IL1RAPL2: variants seen among roughly 807,000 people sequenced by gnomAD.
IL1RAPL2 encodes interleukin 1 receptor accessory protein like 2.
IL1RAPL2 carries 3 observed loss-of-function variants against 44.1 expected under a neutral mutation model. That is an observed-to-expected ratio of 0.07 (90% confidence interval 0.03 to 0.18). The LOEUF (loss-of-function observed/expected upper bound fraction) is 0.18, where lower values mean the gene tolerates loss of function less well. Ranked by LOEUF, IL1RAPL2 falls within the 10% of genes least tolerant of loss-of-function variation. The pLI, the probability that IL1RAPL2 is intolerant of heterozygous loss-of-function variation, is 1.00. For synonymous variants in IL1RAPL2, 181 were observed against 178.8 expected, an observed-to-expected ratio of 1.01 and a Z score of -0.10; for missense variants, 391 against 496.4, an observed-to-expected ratio of 0.79 and a Z score of 2.02.
chrX:104,810,432 AAAG>A (rs1464905189), intron 2 of IL1RAPL2, among the ~76,000 whole-genome samples: 10 of 111,395 alleles, frequency 9.0e-5, no homozygotes, highest in African/African-American at 3.3e-4. Context: ...AAAGAAAAGA[AAAG>A]AAATGTGAGC....
At chrX:105,764,738 C>T (rs2038715848) in intron 10 of IL1RAPL2, among the ~76,000 whole-genome samples, 1 of 110,549 alleles carries the variant, frequency 9.0e-6, no homozygotes. Flanking sequence ...ATCAAGAGGT[C>T]GAGGTTGCAG....
At chrX:105,495,986 T>C (rs1171856076) in intron 6 of IL1RAPL2, among the ~76,000 whole-genome samples, 1 of 111,676 alleles carries the variant, frequency 9.0e-6, no homozygotes, top group African/African-American at 3.3e-5. Context: ...AACACAGACC[T>C]TAAGTCTGAT....
At chrX:104,847,008 T>C (rs1424493937) in intron 2 of IL1RAPL2, among the ~76,000 whole-genome samples, 1 of 112,412 alleles carries the variant, frequency 8.9e-6, no homozygotes, top group African/African-American at 3.2e-5. Context: ...TTGAGAAGTG[T>C]CTGTTCATAT....
At chrX:105,016,794 G>A (rs775695090) in intron 2 of IL1RAPL2, among the ~76,000 whole-genome samples, 28 of 111,148 alleles carry the variant, frequency 2.5e-4, no homozygotes, top group Admixed American at 5.8e-4. Context: ...TTGTCTCTCT[G>A]CCAGGTTTTG....
intron 5 of IL1RAPL2, among the ~76,000 whole-genome samples, chrX:105,323,339 G>T (rs2034910345): frequency 8.9e-6 from 1 of 111,733 alleles, no homozygotes; most frequent in African/African-American, 3.3e-5. Flanking sequence ...TCACATTTGT[G>T]TAACTGTGCC....
chrX:105,189,306 G>A (rs935820707), intron 2 of IL1RAPL2, among the ~76,000 whole-genome samples: 2 of 112,326 alleles, frequency 1.8e-5, no homozygotes, highest in African/African-American at 3.2e-5. Flanking sequence ...GCAGTGGTGC[G>A]ATCTCTGCTC....
chrX:104,940,558 G>T (rs1925138522), intron 2 of IL1RAPL2, among the ~76,000 whole-genome samples: 1 of 110,950 alleles, frequency 9.0e-6, no homozygotes, highest in African/African-American at 3.3e-5. Context: ...AGGAAATGCA[G>T]ACTAATTTCT....
intron 2 of IL1RAPL2, among the ~76,000 whole-genome samples, chrX:104,828,355 T>C (rs768914499): frequency 8.9e-6 from 1 of 112,050 alleles, no homozygotes; most frequent in South Asian, 3.7e-4. Flanking sequence ...TTGCTTTCTG[T>C]TTATTAGTTT....
intron 3 of IL1RAPL2, among the ~76,000 whole-genome samples, chrX:105,221,947 G>A (rs1603019288): frequency 9.0e-6 from 1 of 111,555 alleles, no homozygotes; most frequent in African/African-American, 3.3e-5. Context: ...TGCCCACTTA[G>A]GGAATGTCCA....
chrX:105,427,871 G>A (rs2035821675), intron 5 of IL1RAPL2, among the ~76,000 whole-genome samples: 1 of 111,676 alleles, frequency 9.0e-6, no homozygotes, highest in Non-Finnish European at 1.9e-5. Flanking sequence ...CTATTGAAAG[G>A]ATCTAAAATA....
At chrX:104,975,333 A>G (rs904492772) in intron 2 of IL1RAPL2, among the ~76,000 whole-genome samples, 3 of 111,918 alleles carry the variant, frequency 2.7e-5, no homozygotes, top group Non-Finnish European at 1.9e-5. Flanking sequence ...TTTTGTTATA[A>G]TTGACTGGCT....
chrX:104,835,955 G>A (rs1476135578), intron 2 of IL1RAPL2, among the ~76,000 whole-genome samples: 2 of 111,956 alleles, frequency 1.8e-5, no homozygotes, highest in Non-Finnish European at 3.8e-5. Flanking sequence ...TGTTTATCAA[G>A]ATGTGACATT....
chrX:105,200,171 T>G (rs1179505064), intron 3 of IL1RAPL2, among the ~76,000 whole-genome samples: 1 of 112,377 alleles, frequency 8.9e-6, no homozygotes, highest in African/African-American at 3.2e-5. Flanking sequence ...CTATGTTTTA[T>G]TGATCTCATT....
chrX:104,870,716 G>A (rs933867184), intron 2 of IL1RAPL2, among the ~76,000 whole-genome samples: 13 of 111,629 alleles, frequency 1.2e-4, no homozygotes, highest in Admixed American at 1.0e-3. Context: ...TTCTATCTCC[G>A]TGATTTTTCT....
chrX:104,955,022 A>G (rs768368369), intron 2 of IL1RAPL2, among the ~76,000 whole-genome samples: 1 of 112,539 alleles, frequency 8.9e-6, no homozygotes, highest in South Asian at 3.7e-4. Context: ...TTATATGCAA[A>G]TTAGAGGGCA....
At chrX:104,585,330 T>TATATTATATA (rs1928519576) in intron 1 of IL1RAPL2, among the ~76,000 whole-genome samples, 1 of 11,126 alleles carries the variant, frequency 9.0e-5, no homozygotes, top group Non-Finnish European at 1.2e-4. Flanking sequence ...TTATATATAA[T>TATATTATATA]ATATATTATA....
chrX:105,023,861 G>T (rs2031321673), intron 2 of IL1RAPL2, among the ~76,000 whole-genome samples: 1 of 111,230 alleles, frequency 9.0e-6, no homozygotes, highest in Non-Finnish European at 1.9e-5. Context: ...GGTGGTTTTT[G>T]TAAGTACTTG....
chrX:105,486,101 T>C (rs1330540496), intron 6 of IL1RAPL2, among the ~76,000 whole-genome samples: 2 of 111,746 alleles, frequency 1.8e-5, no homozygotes. Context: ...TTCCCTTTGC[T>C]CCATATCCTC....
intron 5 of IL1RAPL2, chrX:105,406,294 C>T: frequency 9.6e-7 from 1 of 1,038,461 alleles, no homozygotes; most frequent in Non-Finnish European, 1.4e-6. Context: ...TCTTAATTGA[C>T]CGAAGTCCTG....
Sources: gnomAD v4.1 joint callset for allele counts (sites outside exome capture counted in the v4.1 genomes callset) on GRCh38, gnomAD v4.1.1 for gene constraint, MANE v1.5 for transcripts, NCBI Gene and HGNC (gene_info 2026-07-23, HGNC 2026-07-21) for gene names.